Variants in ADAMTS19 observed in about 807,000 individuals in gnomAD.
ADAMTS19 encodes the protein A disintegrin and metalloproteinase with thrombospondin motifs 19.
Under a neutral mutation model 153.3 loss-of-function variants are expected in ADAMTS19, and 93 were observed. The observed-to-expected ratio is 0.61, with a 90% CI of 0.51 to 0.72. The LOEUF is 0.72. Ranked by LOEUF, ADAMTS19 falls within the 30% of genes least tolerant of loss-of-function variation. The probability of loss-of-function intolerance (pLI) is 0.00; values close to 1 mark genes in which losing one functional copy is unlikely to be tolerated. For synonymous variants in ADAMTS19, 600 were observed against 556.6 expected (o/e 1.08, Z -1.10); for missense variants, 1,482 against 1,552.1 (o/e 0.95, Z 0.76).
At chr5:129,713,169 T>C (rs143419474) in intron 21 of ADAMTS19, among the ~76,000 whole-genome samples, 1 of 152,212 alleles carries the variant, frequency 6.6e-6, no homozygotes, top group Non-Finnish European at 1.5e-5. Flanking sequence ...CTAAATCTCA[T>C]TTTTGTGATG....
intron 2 of ADAMTS19, among the ~76,000 whole-genome samples, chr5:129,505,136 G>T (rs1385987655): frequency 6.6e-6 from 1 of 152,038 alleles, no homozygotes; most frequent in African/African-American, 2.4e-5. Flanking sequence ...ATACGTATTT[G>T]TTCAACTGAG....
chr5:129,737,125 T>C lies in ADAMTS19; in HGVS notation c.3549T>C (p.Arg1183=). 2 of 1,611,082 alleles carry C rather than the reference T, an allele frequency of 1.2e-6. No homozygotes were observed. The highest frequency in any genetic ancestry group is 1.7e-6 in the Non-Finnish European group (2 of 1,178,070). The stretch of plus-strand genomic sequence containing the variant: ...GGCCAGTGTACTGCCGAGTGATACG[T>C]GAAAAGAACCTATGTCAGGACATGC... ...DQWPVYCRVI[R]EKNLCQDMRW... The change falls in exon 23 of 23, where the codon CGT becomes CGC. Residue 1183 remains arginine, a synonymous_variant. Coordinates refer to ENST00000274487, the MANE Select transcript of ADAMTS19 (RefSeq NM_133638.6).
chr5:129,523,201 C>G (rs1243504008), intron 3 of ADAMTS19, among the ~76,000 whole-genome samples: 1 of 151,810 alleles, frequency 6.6e-6, no homozygotes, highest in Non-Finnish European at 1.5e-5. Flanking sequence ...AAGCTAAAAC[C>G]CAGGTACCTG....
At chr5:129,719,092 T>C (rs1390597667) in intron 21 of ADAMTS19, among the ~76,000 whole-genome samples, 1 of 152,162 alleles carries the variant, frequency 6.6e-6, no homozygotes, top group African/African-American at 2.4e-5. Flanking sequence ...TTTTTTTCCT[T>C]TAAGAATTAA....
rs752750517 is a variant in ADAMTS19 at position 129,461,604 on chromosome 5, A to T, written c.594A>T (p.Ala198=). 2.5e-6 allele frequency: 4 copies of T among 1,590,088 alleles called. No homozygotes were observed. Among genetic ancestry groups the T allele is most frequent in the Admixed American group, 1.7e-5 (1 of 58,646 alleles). The change falls in exon 2 of 23, where the codon GCA becomes GCT. Residue 198 remains alanine, a synonymous_variant. Coordinates refer to ENST00000274487, the MANE Select transcript of ADAMTS19 (RefSeq NM_133638.6). The surrounding 1 kb of genome is among the most constrained non-coding windows in gnomAD (Gnocchi z 4.6). ...RDGRFLAPRF[A]VEQRPNPGPG... ...GCCGCTTCCTGGCGCCGCGCTTCGC[A>T]GTGGAACAGCGGCCAAATCCCGGCC...
intron 6 of ADAMTS19, among the ~76,000 whole-genome samples, chr5:129,529,931 AT>A (rs1752140887): frequency 6.6e-6 from 1 of 152,140 alleles, no homozygotes. Context: ...CCTTATCAAC[AT>A]TTTTAGCCTT....
Position 129,503,910 on chromosome 5 carries a change from G to A in ADAMTS19, c.748-5167G>A, listed in dbSNP as rs555469537. On this transcript the variant is annotated intron_variant, in intron 2 of 22. Coordinates refer to ENST00000274487, the MANE Select transcript of ADAMTS19 (RefSeq NM_133638.6). The stretch of plus-strand genomic sequence containing the variant: ...TAACATGTTTTTACAAGCATATACT[G>A]ATTCTAAAGCCTTTAAGCAACTTCT... Among the ~76,000 whole-genome samples the A allele has an allele frequency of 4.1e-4, 63 of 152,126 alleles. 1 individual carries two copies. The highest frequency in any genetic ancestry group is 1.5e-3 in the African/African-American group (62 of 41,500).
rs1169562826 is a variant in ADAMTS19 at position 129,596,607 on chromosome 5, T to C, written c.1421T>C (p.Ile474Thr). ...GMCSEKRKCIIAEDNGLNLAF... is the reference protein window; with the variant it reads ...GMCSEKRKCITAEDNGLNLAF... ...TGTAGTGAAAAGAGAAAATGTATTA[T>C]TGCTGAAGACAATGGCTTGAATCTT... The change falls in exon 8 of 23, where the codon ATT (isoleucine) becomes ACT (threonine). Residue 474 changes from isoleucine (I) to threonine (T), a missense_variant. Ile to Thr is a moderately conservative substitution (Grantham distance 89, BLOSUM62 -1). Around this residue, in one of 2 missense-constraint regions of ADAMTS19, gnomAD observed 866 missense variants for 827.7 expected, o/e 1.05. Transcript: ENST00000274487. 3 of 1,608,958 alleles carry C rather than the reference T, an allele frequency of 1.9e-6. No individual in the cohort carries two copies. The highest frequency in any genetic ancestry group is 2.5e-6 in the Non-Finnish European group (3 of 1,177,944).
At chr5:129,691,105 G>T (rs776056489) in intron 18 of ADAMTS19, among the ~76,000 whole-genome samples, 12 of 152,076 alleles carry the variant, frequency 7.9e-5, no homozygotes, top group Non-Finnish European at 5.9e-5. Context: ...ATAGTAAAAA[G>T]TGTCAGCTTA....
At chr5:129,708,794 C>T (rs542444348) in intron 21 of ADAMTS19, among the ~76,000 whole-genome samples, 3 of 152,110 alleles carry the variant, frequency 2.0e-5, no homozygotes, top group East Asian at 1.9e-4. Flanking sequence ...TTATATTCTA[C>T]AATTCAAACT....
At chr5:129,598,194 C>G (rs540072655) in intron 8 of ADAMTS19, among the ~76,000 whole-genome samples, 1 of 152,292 alleles carries the variant, frequency 6.6e-6, no homozygotes, top group African/African-American at 2.4e-5. Context: ...CCTGGTAACA[C>G]TCAACCCACA....
intron 18 of ADAMTS19, among the ~76,000 whole-genome samples, chr5:129,689,405 G>T (rs1283543225): frequency 6.6e-6 from 1 of 152,020 alleles, no homozygotes; most frequent in Non-Finnish European, 1.5e-5. Context: ...CATCTATAAG[G>T]GTGTGATTTG....
At chr5:129,615,897 A>G (rs1751498735) in intron 8 of ADAMTS19, among the ~76,000 whole-genome samples, 1 of 151,984 alleles carries the variant, frequency 6.6e-6, no homozygotes, top group Non-Finnish European at 1.5e-5. Flanking sequence ...CTTTGAATGT[A>G]GGAACTGAGT....
intron 2 of ADAMTS19, among the ~76,000 whole-genome samples, chr5:129,485,762 G>C (rs1290883900): frequency 1.3e-5 from 2 of 151,998 alleles, no homozygotes; most frequent in African/African-American, 4.8e-5. Flanking sequence ...GTAGAACATG[G>C]TGGAGCTGTC....
Position 129,738,297 on chromosome 5 carries a change from T to C in ADAMTS19, c.*1079T>C, listed in dbSNP as rs951822679. The C allele has an allele frequency of 1.3e-5, 2 of 152,064 alleles. No individual in the cohort carries two copies. Among genetic ancestry groups the C allele is most frequent in the African/African-American group, 4.8e-5 (2 of 41,428 alleles). The allele number at this position is 152,064 out of a possible 1,614,324, so 9.4% of individuals were successfully genotyped here. ...AAAATATTATACATGATTCACATGATTTCTTAGATTTTTCAATAAAATATG... is the reference window on the plus strand; with the variant it reads ...AAAATATTATACATGATTCACATGACTTCTTAGATTTTTCAATAAAATATG... On this transcript the variant is annotated 3_prime_UTR_variant, in exon 23 of 23. Transcript: ENST00000274487.
intron 22 of ADAMTS19, among the ~76,000 whole-genome samples, chr5:129,735,741 A>G (rs917130908): frequency 2.6e-5 from 4 of 152,020 alleles, no homozygotes; most frequent in African/African-American, 9.7e-5. Flanking sequence ...CCCATAATTG[A>G]GAATTAGACT....
At position 129,583,282 on chromosome 5, in the gene ADAMTS19, A is replaced by G. The variant is rs576956132; in HGVS notation, c.1373-13277A>G. 4.6e-5 allele frequency among the ~76,000 whole-genome samples: 7 copies of G among 152,286 alleles called. No individual in the cohort carries two copies. In the South Asian group the frequency reaches 1.5e-3, roughly 32 times the overall value. On this transcript the variant is annotated intron_variant, in intron 7 of 22. Transcript: ENST00000274487. ...TAGGGTTTCTGCAGAGAGATCTGGT[A>G]TTAGTCTGATGGGCTTCCCTTTGTG...
At chr5:129,474,819 G>C (rs1750173489) in intron 2 of ADAMTS19, among the ~76,000 whole-genome samples, 1 of 152,048 alleles carries the variant, frequency 6.6e-6, no homozygotes, top group African/African-American at 2.4e-5. Flanking sequence ...TTTTAATTCT[G>C]TTTTCCTAGT....
intron 8 of ADAMTS19, among the ~76,000 whole-genome samples, chr5:129,599,558 C>A (rs934085394): frequency 6.6e-6 from 1 of 152,048 alleles, no homozygotes; most frequent in African/African-American, 2.4e-5. Flanking sequence ...AAATTGATTT[C>A]TTCAATCTTC....
Sources: allele counts gnomAD v4.1 joint callset (sites outside exome capture counted in the v4.1 genomes callset), GRCh38; gene constraint gnomAD v4.1.1; regional missense constraint gnomAD v4.1.1; non-coding constraint Gnocchi (gnomAD v3.1); transcripts MANE v1.5; gene names NCBI Gene and HGNC (gene_info 2026-07-23, HGNC 2026-07-21).